Variants in KCNQ3 observed in about 807,000 individuals in gnomAD.
The protein encoded by KCNQ3 is potassium voltage-gated channel subfamily Q member 3.
KCNQ3 carries 30 observed loss-of-function variants against 92.5 expected under a neutral mutation model. The ratio of observed to expected loss-of-function variants is 0.32; its 90% CI spans 0.24 to 0.44. KCNQ3 has a LOEUF of 0.44. Among genes scored for constraint, KCNQ3 ranks in the 20% least tolerant of loss-of-function variants. KCNQ3 has a pLI of 1.00. For synonymous variants in KCNQ3, 450 were observed against 468.8 expected, an observed-to-expected ratio of 0.96 and a Z score of 0.52; for missense variants, 913 against 1,140.3, an observed-to-expected ratio of 0.80 and a Z score of 2.87.
At chr8:132,423,306 C>T (rs1295383551) in intron 1 of KCNQ3, among the ~76,000 whole-genome samples, 1 of 152,208 alleles carries the variant, frequency 6.6e-6, no homozygotes, top group East Asian at 1.9e-4. Flanking sequence ...TGTTCCAGGA[C>T]TTTAACCCAA....
intron 1 of KCNQ3, among the ~76,000 whole-genome samples, chr8:132,284,383 A>C (rs1816619879): frequency 6.6e-6 from 1 of 152,186 alleles, no homozygotes; most frequent in Admixed American, 6.5e-5. Context: ...AATAATGACC[A>C]TTTGTTAAAA....
At chr8:132,365,601 G>A (rs999991570) in intron 1 of KCNQ3, among the ~76,000 whole-genome samples, 1 of 152,188 alleles carries the variant, frequency 6.6e-6, no homozygotes, top group Admixed American at 6.5e-5. Flanking sequence ...TTCCTCAGCT[G>A]TAAAATAGAT....
chr8:132,471,754 C>CA (rs1822301805), intron 1 of KCNQ3, among the ~76,000 whole-genome samples: 2 of 151,800 alleles, frequency 1.3e-5, no homozygotes, highest in Admixed American at 1.3e-4. Flanking sequence ...GTCAACAAAA[C>CA]AAAAAATAGG....
intron 9 of KCNQ3, among the ~76,000 whole-genome samples, chr8:132,161,647 A>G (rs1219940854): frequency 6.6e-6 from 1 of 152,026 alleles, no homozygotes; most frequent in Non-Finnish European, 1.5e-5. Context: ...AACAAAAAAC[A>G]AAAAAGAAAA....
At chr8:132,439,195 A>G (rs1250262435) in intron 1 of KCNQ3, among the ~76,000 whole-genome samples, 3 of 151,952 alleles carry the variant, frequency 2.0e-5, no homozygotes, top group East Asian at 3.9e-4. Flanking sequence ...GCTGAGTAAC[A>G]TGACTTCTGG....
intron 1 of KCNQ3, among the ~76,000 whole-genome samples, chr8:132,351,395 C>T (rs1414933660): frequency 1.3e-5 from 2 of 152,148 alleles, no homozygotes; most frequent in African/African-American, 4.8e-5. Flanking sequence ...GTGAACAAAT[C>T]CAAATGGAAA....
intron 1 of KCNQ3, among the ~76,000 whole-genome samples, chr8:132,340,140 G>A (rs1350620675): frequency 7.2e-5 from 11 of 152,186 alleles, no homozygotes; most frequent in Admixed American, 6.5e-4. Context: ...TGGAGAAATA[G>A]GAATGCTTTT....
At chr8:132,274,324 C>A (rs117448751) in intron 1 of KCNQ3, among the ~76,000 whole-genome samples, 16 of 152,276 alleles carry the variant, frequency 1.1e-4, no homozygotes, top group Non-Finnish European at 1.9e-4. Context: ...ATCTTCAGAT[C>A]TCGTGAGACT....
chr8:132,442,656 G>A (rs1821567645), intron 1 of KCNQ3, among the ~76,000 whole-genome samples: 1 of 152,152 alleles, frequency 6.6e-6, no homozygotes, highest in South Asian at 2.1e-4. Context: ...ACCCCGGGGA[G>A]CCGCATGAGC....
At chr8:132,156,950 C>T (rs1047808794) in intron 9 of KCNQ3, among the ~76,000 whole-genome samples, 7 of 152,094 alleles carry the variant, frequency 4.6e-5, no homozygotes, top group African/African-American at 9.6e-5. Context: ...AGGAATGGGT[C>T]GAAAAGCCCA....
chr8:132,477,350 TAAA>T (rs5895143), intron 1 of KCNQ3, among the ~76,000 whole-genome samples: 10 of 143,694 alleles, frequency 7.0e-5, no homozygotes, highest in African/African-American at 1.0e-4. Context: ...CATTTTAATT[TAAA>T]AAAAAAAAAA....
intron 1 of KCNQ3, among the ~76,000 whole-genome samples, chr8:132,419,886 A>C (rs1002717429): frequency 1.3e-5 from 2 of 152,208 alleles, no homozygotes; most frequent in African/African-American, 4.8e-5. Context: ...ACATGTCAAC[A>C]TGTCATCTCT....
chr8:132,265,612 G>T (rs571703288), intron 1 of KCNQ3, among the ~76,000 whole-genome samples: 2 of 152,298 alleles, frequency 1.3e-5, no homozygotes, highest in Admixed American at 1.3e-4. Flanking sequence ...TATTCAGAGA[G>T]GCTTATGTGT....
At chr8:132,269,318 C>T (rs1225099132) in intron 1 of KCNQ3, among the ~76,000 whole-genome samples, 1 of 152,062 alleles carries the variant, frequency 6.6e-6, no homozygotes, top group Non-Finnish European at 1.5e-5. Context: ...CCTATGTTTC[C>T]TCCTATAGTT....
At chr8:132,157,433 G>T (rs891964221) in intron 9 of KCNQ3, among the ~76,000 whole-genome samples, 6 of 152,188 alleles carry the variant, frequency 3.9e-5, no homozygotes, top group African/African-American at 1.4e-4. Context: ...TATGGTGTGT[G>T]CAATAGCCAT....
intron 1 of KCNQ3, among the ~76,000 whole-genome samples, chr8:132,263,883 C>G (rs1475729654): frequency 6.6e-6 from 1 of 152,106 alleles, no homozygotes; most frequent in African/African-American, 2.4e-5. Context: ...TCCAGCTCTT[C>G]GGGTCACCCT....
intron 1 of KCNQ3, among the ~76,000 whole-genome samples, chr8:132,362,118 T>G (rs1819189159): frequency 6.6e-6 from 1 of 152,120 alleles, no homozygotes; most frequent in Non-Finnish European, 1.5e-5. Context: ...TGCTTTATAT[T>G]CTTTCTGCAT....
chr8:132,123,729 AG>A lies in KCNQ3; in HGVS notation c.*5532del, dbSNP rs1824570249. On this transcript the variant is annotated 3_prime_UTR_variant, in exon 15 of 15. Coordinates refer to ENST00000388996, the MANE Select transcript of KCNQ3 (RefSeq NM_004519.4). Reference sequence around the variant, plus strand: ...TGAGCTTCTGCTTCTTGATCTAAAAAGACAGGTGGTTGTTCTGGGTGATCAA... The same window carrying A: ...TGAGCTTCTGCTTCTTGATCTAAAAAACAGGTGGTTGTTCTGGGTGATCAA... The A allele has an allele frequency of 6.6e-6, 1 of 152,232 alleles. No individual in the cohort carries two copies. Among genetic ancestry groups the A allele is most frequent in the South Asian group, 2.1e-4 (1 of 4,828 alleles). 9.4% of individuals were successfully genotyped at this position (152,232 alleles called of 1,614,324 possible).
intron 1 of KCNQ3, among the ~76,000 whole-genome samples, chr8:132,213,718 G>A (rs1179616265): frequency 6.6e-6 from 1 of 152,160 alleles, no homozygotes; most frequent in Non-Finnish European, 1.5e-5. Flanking sequence ...ACTTTAGTAA[G>A]GTATTGCAAG....
Sources: gnomAD v4.1 joint callset for allele counts (sites outside exome capture counted in the v4.1 genomes callset) on GRCh38, gnomAD v4.1.1 for gene constraint, MANE v1.5 for transcripts, NCBI Gene and HGNC (gene_info 2026-07-23, HGNC 2026-07-21) for gene names.